Variants in ZFPM1 observed in about 807,000 individuals in gnomAD.
ZFPM1 encodes zinc finger protein ZFPM1.
Under a neutral mutation model 46.3 loss-of-function variants are expected in ZFPM1, and 28 were observed. That is an observed-to-expected ratio of 0.60 (90% CI 0.45 to 0.83). ZFPM1 has a LOEUF of 0.83. Ranked by LOEUF, ZFPM1 falls within the 40% of genes least tolerant of loss-of-function variation. The pLI is 0.00. For synonymous variants in ZFPM1, 957 were observed against 675.9 expected (o/e 1.42, Z -6.45); for missense variants, 1,878 against 1,432.4 (o/e 1.31, Z -5.02).
At chr16:88,493,270 TC>T (rs1416022102) in intron 3 of ZFPM1, among the ~76,000 whole-genome samples, 1 of 144,466 alleles carries the variant, frequency 6.9e-6, no homozygotes, top group Non-Finnish European at 1.5e-5. Flanking sequence ...CGGGGAGCTG[TC>T]CCGGAGTGAG....
At chr16:88,520,143 G>T (rs1911717164) in intron 4 of ZFPM1, among the ~76,000 whole-genome samples, 1 of 150,512 alleles carries the variant, frequency 6.6e-6, no homozygotes, top group Non-Finnish European at 1.5e-5. Context: ...GTGGATGGAT[G>T]GATGACGGGT....
chr16:88,474,973 T>C, intron 1 of ZFPM1, among the ~76,000 whole-genome samples: 1 of 152,236 alleles, frequency 6.6e-6, no homozygotes, highest in East Asian at 1.9e-4. Flanking sequence ...TAGATTCCAC[T>C]TGGCCCTGAA....
At chr16:88,532,344 C>A in intron 7 of ZFPM1, 109 bp downstream of exon 7, 2 of 1,157,646 alleles carry the variant, frequency 1.7e-6, no homozygotes, top group Non-Finnish European at 1.2e-6. Context: ...TGCCACCATT[C>A]ACCTGCGCGG....
intron 1 of ZFPM1, among the ~76,000 whole-genome samples, chr16:88,483,070 G>T (rs1383610383): frequency 2.6e-5 from 4 of 152,122 alleles, no homozygotes; most frequent in Non-Finnish European, 4.4e-5. Flanking sequence ...TGCCCGTGTG[G>T]GCGCTTTAAT....
intron 1 of ZFPM1, among the ~76,000 whole-genome samples, chr16:88,454,341 G>C (rs1907439272): frequency 6.6e-6 from 1 of 152,110 alleles, no homozygotes; most frequent in East Asian, 1.9e-4. Context: ...GTGCCCTAGC[G>C]CTGAAGTCCT....
chr16:88,533,434 G>A lies in ZFPM1; in HGVS notation c.1476G>A (p.Pro492=). 8 of 1,459,828 alleles carry A rather than the reference G, an allele frequency of 5.5e-6. No homozygotes were observed. The highest frequency in any genetic ancestry group is 1.5e-5 in the African/African-American group (1 of 66,948). 90.4% of individuals were successfully genotyped at this position (1,459,828 alleles called of 1,614,324 possible). Residue 492 remains proline (P), a synonymous_variant, in exon 10 of 10, where the codon CCG becomes CCA. Transcript: ENST00000319555. ...AGGCCCCGTCGCGGACGCCGTCGCC[G>A]CGCAGCCCCGCCCCGGCCAGGGTCA... The part of the protein sequence containing the change: ...GPQAPSRTPS[P]RSPAPARVKA...
At chr16:88,456,945 C>T (rs1435008532) in intron 1 of ZFPM1, among the ~76,000 whole-genome samples, 1 of 152,188 alleles carries the variant, frequency 6.6e-6, no homozygotes, top group East Asian at 1.9e-4. Context: ...GAGGGAGGGT[C>T]CCTGAGCCCC....
chr16:88,467,768 A>T (rs1908204213), intron 1 of ZFPM1, among the ~76,000 whole-genome samples: 1 of 151,980 alleles, frequency 6.6e-6, no homozygotes, highest in Admixed American at 6.6e-5. Flanking sequence ...CCCACCCCCT[A>T]GTTCCATGGC....
At chr16:88,525,574 C>G (rs749908351) in intron 4 of ZFPM1, among the ~76,000 whole-genome samples, 1 of 152,224 alleles carries the variant, frequency 6.6e-6, no homozygotes, top group Non-Finnish European at 1.5e-5. Context: ...AGATTGGACA[C>G]CCAGGTGGCT....
intron 1 of ZFPM1, among the ~76,000 whole-genome samples, chr16:88,457,169 G>A (rs980092184): frequency 6.6e-6 from 1 of 152,270 alleles, no homozygotes; most frequent in African/African-American, 2.4e-5. Flanking sequence ...GAGAGGGCTG[G>A]GTTGGGCCCA....
At chr16:88,529,655 T>C (rs1287276263) in intron 6 of ZFPM1, among the ~76,000 whole-genome samples, 1 of 152,034 alleles carries the variant, frequency 6.6e-6, no homozygotes, top group Non-Finnish European at 1.5e-5. Flanking sequence ...GAGAGTGAGC[T>C]GAGATAGGTT....
intron 3 of ZFPM1, among the ~76,000 whole-genome samples, chr16:88,509,698 T>A (rs1301498497): frequency 2.0e-5 from 3 of 150,536 alleles, no homozygotes; most frequent in Non-Finnish European, 4.4e-5. Flanking sequence ...CTGAGCAGAG[T>A]GGGTTCAGGA....
chr16:88,481,470 G>A (rs568542806), intron 1 of ZFPM1, among the ~76,000 whole-genome samples: 122 of 141,272 alleles, frequency 8.6e-4, no homozygotes, highest in African/African-American at 3.0e-3. Flanking sequence ...AGGGCAGCTC[G>A]CAAGTCGGCC....
chr16:88,492,525 G>T (rs959000313), intron 3 of ZFPM1, among the ~76,000 whole-genome samples: 3 of 152,238 alleles, frequency 2.0e-5, no homozygotes, highest in African/African-American at 7.2e-5. Flanking sequence ...CCTGCATGTG[G>T]ATGGGACCCG....
rs376960339 is a variant in ZFPM1, at chr16:88,534,811, C to T, written c.2853C>T (p.Ser951=). The T allele has an allele frequency of 2.4e-5, 35 of 1,474,428 alleles. No individual in the cohort carries two copies. The highest frequency in any genetic ancestry group is 3.1e-5 in the Non-Finnish European group (34 of 1,110,958). 91.3% of individuals were successfully genotyped at this position (1,474,428 alleles called of 1,614,324 possible). Residue 951 remains serine, a synonymous_variant, in exon 10 of 10, where the codon TCC becomes TCT. Transcript: ENST00000319555. ...TGCCGCCCCCGCCGGCGCCCCCCTCCTACTCGGACAAGGGCGTCCAGACTC... is the reference window on the plus strand; with the variant it reads ...TGCCGCCCCCGCCGGCGCCCCCCTCTTACTCGGACAAGGGCGTCCAGACTC... ...EAVPPPPAPP[S]YSDKGVQTPS...
intron 1 of ZFPM1, among the ~76,000 whole-genome samples, chr16:88,464,000 T>C (rs1335668818): frequency 6.6e-6 from 1 of 152,046 alleles, no homozygotes; most frequent in Non-Finnish European, 1.5e-5. Context: ...TCCCAGACCA[T>C]GGGATGGGGC....
At position 88,534,626 on chromosome 16, in the gene ZFPM1, G is replaced by T. The variant is rs751223544; in HGVS notation, c.2668G>T (p.Val890Phe). ...LLGAPLAGPG[V>F]EARTPADRGP... ...CGGCGCGCCCCTGGCCGGCCCGGGG[G>T]TCGAGGCCCGGACGCCGGCCGACCG... Residue 890 changes from valine to phenylalanine, a missense_variant, in exon 10 of 10, where the codon GTC becomes TTC. By Grantham distance (50) the Val-to-Phe change is conservative (BLOSUM62 -1). Transcript: ENST00000319555. 17 of 1,103,522 alleles carry T rather than the reference G, an allele frequency of 1.5e-5. No homozygotes were observed. In the South Asian group the frequency reaches 1.7e-4, roughly 11 times the overall value. 68.4% of individuals were successfully genotyped at this position (1,103,522 alleles called of 1,614,324 possible). A position where few individuals can be genotyped will look rare whatever the true frequency, so the allele number is the denominator to read the frequency against.
Position 88,534,225 on chromosome 16 carries a change from CCCCCCCGCCGCCCGG to C in ZFPM1, c.2270_2284del (p.Pro757_Gly761del). On this transcript the variant is annotated inframe_deletion, in exon 10 of 10. Coordinates refer to ENST00000319555, the MANE Select transcript of ZFPM1 (RefSeq NM_153813.3). Reference sequence around the variant, plus strand: ...GAGCTGCACGCGGCCGGCGCCCCGCCCCCCCCGCCGCCCGGCCACGCCCCCGCGCCCGAGTCGCCG... The same window carrying C: ...GAGCTGCACGCGGCCGGCGCCCCGCCCCACGCCCCCGCGCCCGAGTCGCCG... 5.1e-6 allele frequency: 5 copies of C among 983,854 alleles called. No homozygotes were observed. The highest frequency in any genetic ancestry group is 6.0e-6 in the Non-Finnish European group (5 of 830,418). The allele number at this position is 983,854 out of a possible 1,614,324, so 60.9% of individuals were successfully genotyped here.
Position 88,534,009 on chromosome 16 carries a change from T to C in ZFPM1, c.2051T>C (p.Leu684Pro). The change falls in exon 10 of 10, where the codon CTG (leucine) becomes CCG (proline). Residue 684 changes from leucine (L) to proline (P), a missense_variant. Leu to Pro is a moderately conservative substitution (Grantham distance 98). Transcript: ENST00000319555. The stretch of plus-strand genomic sequence containing the variant: ...GCGGAGGACGACCCCAGCCGCACGC[T>C]GTGCGAGGCCTGCAACATCCGCTTC... ...DDAEDDPSRT[L>P]CEACNIRFSR... The C allele has an allele frequency of 2.2e-6, 3 of 1,368,128 alleles. No homozygotes were observed. The highest frequency in any genetic ancestry group is 1.9e-6 in the Non-Finnish European group (2 of 1,044,870). 84.7% of individuals were successfully genotyped at this position (1,368,128 alleles called of 1,614,324 possible). A position where few individuals can be genotyped will look rare whatever the true frequency, so the allele number is the denominator to read the frequency against.
Sources: gnomAD v4.1 joint callset for allele counts (sites outside exome capture counted in the v4.1 genomes callset) on GRCh38, gnomAD v4.1.1 for gene constraint, MANE v1.5 for transcripts, NCBI Gene and HGNC (gene_info 2026-07-23, HGNC 2026-07-21) for gene names.